Variants in ADAD1 observed in about 807,000 individuals in gnomAD.
ADAD1 encodes the protein adenosine deaminase domain-containing protein 1.
A neutral mutation model predicts 66.8 loss-of-function variants in ADAD1; 46 were observed. The observed-to-expected ratio is 0.69, with a 90% CI of 0.54 to 0.88. ADAD1 has a LOEUF of 0.88. Ranked by LOEUF, ADAD1 falls within the 40% of genes least tolerant of loss-of-function variation. The pLI is 0.00. For synonymous variants in ADAD1, 248 were observed against 229.4 expected, an observed-to-expected ratio of 1.08 and a Z score of -0.73; for missense variants, 617 against 681.8, an observed-to-expected ratio of 0.91 and a Z score of 1.06.
intron 5 of ADAD1, among the ~76,000 whole-genome samples, chr4:122,393,092 A>T (rs1316586565): frequency 1.4e-4 from 14 of 99,848 alleles, no homozygotes; most frequent in Middle Eastern, 6.8e-3. Context: ...TTTTTTCTGT[A>T]CTCCCTAACT....
chr4:122,396,827 A>T (rs1200740265), intron 7 of ADAD1, among the ~76,000 whole-genome samples: 1 of 152,176 alleles, frequency 6.6e-6, no homozygotes, highest in Non-Finnish European at 1.5e-5. Flanking sequence ...TCTGAATTAG[A>T]TATTATAAAT....
intron 7 of ADAD1, among the ~76,000 whole-genome samples, chr4:122,399,716 T>C (rs1213514369): frequency 1.3e-5 from 2 of 151,516 alleles, no homozygotes; most frequent in Non-Finnish European, 2.9e-5. Flanking sequence ...TCTCCTTGGT[T>C]AGGTATATTC....
chr4:122,379,973 A>C (rs1478782784), intron 2 of ADAD1, 89 bp from the exon 3 acceptor site: 1 of 1,313,984 alleles, frequency 7.6e-7, no homozygotes, highest in Non-Finnish European at 1.0e-6. Context: ...CCATTTATGG[A>C]AATAATGGGG....
chr4:122,381,738 T>G (rs1794906286), intron 4 of ADAD1, among the ~76,000 whole-genome samples: 1 of 152,224 alleles, frequency 6.6e-6, no homozygotes, highest in Admixed American at 6.5e-5. Flanking sequence ...GTTTCTGATC[T>G]CTTCACATTA....
chr4:122,426,499 G>A (rs76124776), intron 12 of ADAD1, among the ~76,000 whole-genome samples: 10 of 152,130 alleles, frequency 6.6e-5, no homozygotes, highest in Admixed American at 1.3e-4. Context: ...GTGTTACCCT[G>A]GTACCAAAAG....
intron 11 of ADAD1, among the ~76,000 whole-genome samples, chr4:122,416,963 A>G (rs1394952088): frequency 1.3e-5 from 2 of 152,186 alleles, no homozygotes; most frequent in African/African-American, 4.8e-5. Flanking sequence ...ACATAAAATA[A>G]TGGCATAACA....
intron 5 of ADAD1, 152 bp downstream of exon 5, chr4:122,384,118 A>G (rs1580735026): frequency 1.4e-6 from 1 of 719,798 alleles, no homozygotes; most frequent in Non-Finnish European, 2.2e-6. Context: ...CCACTGATGT[A>G]TTTAATAGTA....
rs762694627 is a variant in ADAD1 at position 122,396,240 on chromosome 4, AT to A, written c.599-5del. 1.9e-6 allele frequency: 3 copies of A among 1,562,622 alleles called. No homozygotes were observed. Among genetic ancestry groups the A allele is most frequent in the African/African-American group, 2.8e-5 (2 of 72,542 alleles). On this transcript the variant is annotated splice_polypyrimidine_tract_variant and intron_variant, in intron 6 of 12. Coordinates refer to ENST00000296513, the MANE Select transcript of ADAD1 (RefSeq NM_139243.4). ...CAATGTTCTTGAAATTTATGTTTTGATTTTTTTCTAGAAGGGAGACATATTC... is the reference window on the plus strand; with the variant it reads ...CAATGTTCTTGAAATTTATGTTTTGATTTTTTCTAGAAGGGAGACATATTC...
chr4:122,396,739 C>CT (rs1211522407), intron 7 of ADAD1, among the ~76,000 whole-genome samples: 1 of 152,100 alleles, frequency 6.6e-6, no homozygotes, highest in Non-Finnish European at 1.5e-5. Context: ...GTGATTCTAA[C>CT]TATGTTTTTA....
At chr4:122,411,453 T>C in intron 9 of ADAD1, 61 bp downstream of exon 9, 2 of 1,459,052 alleles carry the variant, frequency 1.4e-6, no homozygotes, top group South Asian at 2.5e-5. Context: ...ACATTCTGAC[T>C]TTCTACAGCA....
intron 6 of ADAD1, among the ~76,000 whole-genome samples, chr4:122,393,921 C>T (rs1168963162): frequency 6.6e-6 from 1 of 151,778 alleles, no homozygotes; most frequent in South Asian, 2.1e-4. Context: ...TTTTAGAATT[C>T]TTTGCTTTGG....
chr4:122,395,742 AC>A (rs1795679999), intron 6 of ADAD1, among the ~76,000 whole-genome samples: 1 of 151,964 alleles, frequency 6.6e-6, no homozygotes, highest in African/African-American at 2.4e-5. Flanking sequence ...ATCCTGGGTT[AC>A]TTAGAGCTAT....
At chr4:122,417,075 C>A (rs2150591634) in intron 11 of ADAD1, among the ~76,000 whole-genome samples, 1 of 152,284 alleles carries the variant, frequency 6.6e-6, no homozygotes, top group South Asian at 2.1e-4. Context: ...TGGCTCACGC[C>A]TATAACCCCA....
chr4:122,380,139 C>T lies in ADAD1; in HGVS notation c.70C>T (p.Leu24=), dbSNP rs370687144. The change falls in exon 3 of 13, where the codon CTG becomes TTG. Residue 24 remains leucine, a synonymous_variant. Transcript: ENST00000296513. ...CTTTGCCCAGATGCTGAAAAAGAACCTGCCAGTTCAACCAGCGACAAAGAC... is the reference window on the plus strand; with the variant it reads ...CTTTGCCCAGATGCTGAAAAAGAACTTGCCAGTTCAACCAGCGACAAAGAC... The part of the protein sequence containing the change: ...PSFAQMLKKN[L]PVQPATKTIT... The T allele has an allele frequency of 1.9e-6, 3 of 1,614,156 alleles. No individual in the cohort carries two copies. Among genetic ancestry groups the T allele is most frequent in the Admixed American group, 1.7e-5 (1 of 60,018 alleles).
intron 8 of ADAD1, among the ~76,000 whole-genome samples, chr4:122,409,428 T>C (rs1435051572): frequency 6.6e-6 from 1 of 152,308 alleles, no homozygotes; most frequent in African/African-American, 2.4e-5. Context: ...TATATGTTTA[T>C]AGCGTTCATA....
At chr4:122,390,376 C>T (rs563713613) in intron 5 of ADAD1, among the ~76,000 whole-genome samples, 17 of 152,250 alleles carry the variant, frequency 1.1e-4, no homozygotes, top group Middle Eastern at 3.4e-3. Flanking sequence ...ATGGTGTTCT[C>T]TGTATTTCCT....
In ADAD1 at chr4:122,411,345, T is replaced by C. The variant is rs1389016385; in HGVS notation, c.972T>C (p.Leu324=). Residue 324 remains leucine (L), a synonymous_variant, in exon 9 of 13, where the codon CTT becomes CTC. Coordinates refer to ENST00000296513, the MANE Select transcript of ADAD1 (RefSeq NM_139243.4). Reference sequence around the variant, plus strand: ...TTAAACAGAATATCAACATTTGCCTTTACATGAACCAGTTGCCTAAAGGAT... The same window carrying C: ...TTAAACAGAATATCAACATTTGCCTCTACATGAACCAGTTGCCTAAAGGAT... The part of the protein sequence containing the change: ...LTLKQNINIC[L]YMNQLPKGSA... The C allele has an allele frequency of 6.2e-7, 1 of 1,613,318 alleles. No homozygotes were observed. Among genetic ancestry groups the C allele is most frequent in the South Asian group, 1.1e-5 (1 of 90,846 alleles).
At chr4:122,426,594 G>GA (rs1428862939) in intron 12 of ADAD1, among the ~76,000 whole-genome samples, 2 of 152,068 alleles carry the variant, frequency 1.3e-5, no homozygotes, top group African/African-American at 4.8e-5. Flanking sequence ...GCAAGATATT[G>GA]ACAAACCAAA....
intron 11 of ADAD1, among the ~76,000 whole-genome samples, chr4:122,418,569 G>A (rs765834921): frequency 3.9e-5 from 6 of 151,920 alleles, no homozygotes; most frequent in African/African-American, 9.7e-5. Context: ...TGATCCGCCC[G>A]CCTTGGCCTC....
Sources: allele counts gnomAD v4.1 joint callset (sites outside exome capture counted in the v4.1 genomes callset), GRCh38; gene constraint gnomAD v4.1.1; transcripts MANE v1.5; gene names NCBI Gene and HGNC (gene_info 2026-07-23, HGNC 2026-07-21).